The following IGFL2 variants were observed in gnomAD, a reference collection of about 807,000 sequenced individuals.
IGFL2 encodes insulin growth factor-like family member 2.
In IGFL2, 7 loss-of-function variants were observed where a neutral mutation model predicts 13.9. The observed-to-expected ratio is 0.51, with a 90% CI of 0.29 to 0.95. The LOEUF is 0.95. Ranked by LOEUF, IGFL2 falls within the 40% of genes least tolerant of loss-of-function variation. The probability of loss-of-function intolerance (pLI) is 0.08; values close to 1 mark genes in which losing one functional copy is unlikely to be tolerated. For missense variants in IGFL2, 138 were observed against 147.8 expected, an observed-to-expected ratio of 0.93 and a Z score of 0.34; for synonymous variants, 55 against 55.8, an observed-to-expected ratio of 0.99 and a Z score of 0.07.
chr19:46,208,464 C>G, the IGFL2 span: 2 of 152,146 alleles, frequency 1.3e-5, no homozygotes, highest in African/African-American at 4.8e-5. Context: ...CTCTTTAGCT[C>G]AAGGTGTTGC....
intron 1 of IGFL2, chr19:46,148,962 C>G: frequency 6.3e-7 from 1 of 1,581,528 alleles, no homozygotes; most frequent in Non-Finnish European, 8.6e-7. Flanking sequence ...CCTGGAGTTC[C>G]TGGGCTCTCA....
chr19:46,210,379 A>C, the IGFL2 span: 4 of 152,288 alleles, frequency 2.6e-5, no homozygotes, highest in African/African-American at 9.6e-5. Flanking sequence ...AGTCGAGGGC[A>C]GTGAGAGCCA....
At chr19:46,099,310 C>A in the IGFL2 span, among the ~76,000 whole-genome samples, 1 of 152,222 alleles carries the variant, frequency 6.6e-6, no homozygotes, top group African/African-American at 2.4e-5. Context: ...TTGGGTTGAT[C>A]TTCTCATGGA....
the IGFL2 span, among the ~76,000 whole-genome samples, chr19:46,127,174 C>A: frequency 4.0e-4 from 61 of 152,138 alleles, no homozygotes; most frequent in African/African-American, 1.4e-3. Context: ...CAGCTTAAAG[C>A]CAGGAGTTCA....
chr19:46,179,796 A>G, the IGFL2 span, among the ~76,000 whole-genome samples: 1 of 152,108 alleles, frequency 6.6e-6, no homozygotes, highest in East Asian at 1.9e-4. Context: ...CATGCCTGTA[A>G]TCCCACCTAC....
the IGFL2 span, among the ~76,000 whole-genome samples, chr19:46,168,656 A>G: frequency 6.6e-6 from 1 of 152,050 alleles, no homozygotes; most frequent in Non-Finnish European, 1.5e-5. Flanking sequence ...TATCAACCCC[A>G]CTGCTTGTCC....
chr19:46,145,721 G>A (rs1973102738), upstream of IGFL2, among the ~76,000 whole-genome samples: 1 of 151,524 alleles, frequency 6.6e-6, no homozygotes, highest in African/African-American at 2.4e-5. Flanking sequence ...GTTTTAATTT[G>A]TAGTTCCAGT....
At chr19:46,153,683 A>G (rs146629847) in intron 1 of IGFL2, among the ~76,000 whole-genome samples, 520 of 151,960 alleles carry the variant, frequency 3.4e-3, no homozygotes, top group Middle Eastern at 6.8e-3. Flanking sequence ...ACACAATTCT[A>G]TTTTATTAGT....
chr19:46,099,266 T>C, the IGFL2 span, among the ~76,000 whole-genome samples: 2,013 of 152,302 alleles, frequency 0.013, 29 homozygotes, highest in Middle Eastern at 0.027. Flanking sequence ...TTTTCCTTCA[T>C]TACATTCTTG....
rs565403970 is a variant in IGFL2, at chr19:46,150,353, C to T, written c.19+2056C>T. Among the ~76,000 whole-genome samples, 36 of 152,262 alleles carry T rather than the reference C, an allele frequency of 2.4e-4. No individual in the cohort carries two copies. The South Asian group carries it at 7.5e-3, about 32-fold the overall frequency. On this transcript the variant is annotated intron_variant, in intron 1 of 3. Transcript: ENST00000377693. ...TTCATTTCCTTGATGCTATTGCTTG[C>T]AGTGCATAGGTTTTTAATTTTTGAT...
At chr19:46,085,856 G>A in the IGFL2 span, among the ~76,000 whole-genome samples, 35 of 152,216 alleles carry the variant, frequency 2.3e-4, no homozygotes, top group Non-Finnish European at 4.9e-4. Flanking sequence ...GTATGAAAAG[G>A]ATTTTCTTTT....
At chr19:46,180,353 G>A in the IGFL2 span, among the ~76,000 whole-genome samples, 1,158 of 151,912 alleles carry the variant, frequency 7.6e-3, 17 homozygotes, top group African/African-American at 0.025. Context: ...TAATTTTTGT[G>A]TTTTTAGTAG....
At chr19:46,094,272 A>G in the IGFL2 span, among the ~76,000 whole-genome samples, 1 of 152,176 alleles carries the variant, frequency 6.6e-6, no homozygotes, top group South Asian at 2.1e-4. Context: ...CCAGAAATAG[A>G]CCCACACAAA....
At chr19:46,205,989 C>CA in the IGFL2 span, among the ~76,000 whole-genome samples, 7 of 152,026 alleles carry the variant, frequency 4.6e-5, no homozygotes, top group Admixed American at 4.6e-4. Flanking sequence ...TGACAATATC[C>CA]AAAAATCTAA....
the IGFL2 span, chr19:46,196,103 C>A: frequency 0.019 from 2,978 of 153,462 alleles, 43 homozygotes; most frequent in Middle Eastern, 0.038. Context: ...ACCTGTCTCG[C>A]TCCAGGGCCC....
the IGFL2 span, among the ~76,000 whole-genome samples, chr19:46,172,126 G>A: frequency 6.6e-6 from 1 of 152,244 alleles, no homozygotes; most frequent in Non-Finnish European, 1.5e-5. Flanking sequence ...GACTTTGGAA[G>A]TGGAAGCCAT....
the IGFL2 span, among the ~76,000 whole-genome samples, chr19:46,086,548 T>A: frequency 3.3e-5 from 5 of 152,212 alleles, no homozygotes; most frequent in Admixed American, 3.3e-4. Context: ...CATCTCAAGC[T>A]CCTGACCTCA....
chr19:46,160,785 A>AT lies in IGFL2; in HGVS notation c.247dup (p.Ser83PhefsTer29). The AT allele has an allele frequency of 6.2e-7, 1 of 1,614,090 alleles. No homozygotes were observed. The highest frequency in any genetic ancestry group is 8.5e-7 in the Non-Finnish European group (1 of 1,179,992). On this transcript the variant is annotated frameshift_variant, in exon 3 of 4. Transcript: ENST00000377693. LOFTEE classifies it high-confidence loss of function. Reference sequence around the variant, plus strand: ...CCCTGCTTTGAGCTCTGCTGTCTTGATTCCTTTGGCCTCACAAACGATTTT... The same window carrying AT: ...CCCTGCTTTGAGCTCTGCTGTCTTGATTTCCTTTGGCCTCACAAACGATTTT...
At chr19:46,139,802 C>T (rs1489520490), upstream of IGFL2, among the ~76,000 whole-genome samples, 1 of 152,068 alleles carries the variant, frequency 6.6e-6, no homozygotes, top group African/African-American at 2.4e-5. Flanking sequence ...ATACAACTAA[C>T]ACACATAACC....
Sources: gnomAD v4.1 joint callset for allele counts (sites outside exome capture counted in the v4.1 genomes callset) on GRCh38, gnomAD v4.1.1 for gene constraint, MANE v1.5 for transcripts, NCBI Gene and HGNC (gene_info 2026-07-23, HGNC 2026-07-21) for gene names.